Variants in LPCAT1 observed in about 807,000 individuals in gnomAD.
LPCAT1 encodes lysophosphatidylcholine acyltransferase 1.
In LPCAT1, 23 loss-of-function variants were observed where a neutral mutation model predicts 60.9. The observed-to-expected ratio is 0.38, with a 90% CI of 0.27 to 0.53. The LOEUF (loss-of-function observed/expected upper bound fraction) is 0.53. LPCAT1 is among the 20% of genes least tolerant of loss of function. The pLI is 0.82. For missense variants in LPCAT1, 622 were observed against 723.6 expected (o/e 0.86, Z 1.61); for synonymous variants, 340 against 301.1 (o/e 1.13, Z -1.34).
At chr5:1,489,974 C>G (rs1735514403) in intron 3 of LPCAT1, 116 bp from the exon 4 acceptor site, 4 of 755,852 alleles carry the variant, frequency 5.3e-6, no homozygotes, top group Non-Finnish European at 7.1e-6. Context: ...CCAGATGCCC[C>G]AGGGGCTGTG....
At chr5:1,512,200 C>T (rs77551385) in intron 1 of LPCAT1, among the ~76,000 whole-genome samples, 151 of 152,308 alleles carry the variant, frequency 9.9e-4, no homozygotes, top group Middle Eastern at 3.4e-3. Context: ...CGTGCGGCCC[C>T]GTGAGTCGCA....
intron 11 of LPCAT1, among the ~76,000 whole-genome samples, chr5:1,471,557 G>A (rs1037802492): frequency 2.6e-5 from 4 of 152,238 alleles, no homozygotes; most frequent in Admixed American, 2.6e-4. Flanking sequence ...AACCTCCCAG[G>A]TCAGGGCGGG....
At chr5:1,511,775 A>T (rs1736363684) in intron 1 of LPCAT1, among the ~76,000 whole-genome samples, 1 of 152,206 alleles carries the variant, frequency 6.6e-6, no homozygotes, top group Non-Finnish European at 1.5e-5. Flanking sequence ...CCAGGAACCG[A>T]GCCCCTCCAG....
In LPCAT1 at chr5:1,523,934, C is replaced by A; in HGVS notation, c.-90G>T. On this transcript the variant is annotated 5_prime_UTR_variant, in exon 1 of 14. Transcript: ENST00000283415. This position sits in a 1 kb window ranked among gnomAD's most constrained non-coding sequence, Gnocchi z 7.1. ...CTGGGCGCGGGTCTCGGGGCGCGGGCCGAGGATGCGCGGCGGCTGGAGCGG... is the reference window on the plus strand; with the variant it reads ...CTGGGCGCGGGTCTCGGGGCGCGGGACGAGGATGCGCGGCGGCTGGAGCGG... 1 of 902,362 alleles carries A rather than the reference C, an allele frequency of 1.1e-6. No individual in the cohort carries two copies. The highest frequency in any genetic ancestry group is 1.3e-6 in the Non-Finnish European group (1 of 752,576). 55.9% of individuals were successfully genotyped at this position (902,362 alleles called of 1,614,324 possible).
intron 3 of LPCAT1, among the ~76,000 whole-genome samples, chr5:1,493,117 G>C (rs1735653290): frequency 6.6e-6 from 1 of 152,238 alleles, no homozygotes. Context: ...CTGCAGTCCA[G>C]TCTCGCCTCC....
chr5:1,490,150 C>A lies in LPCAT1; in HGVS notation c.494-292G>T, dbSNP rs1446604983. ...GCACAGAACGGAGGTCAATGAAAGA[C>A]AACCGCCAGGAAGCAGAAAGTCTTT... On this transcript the variant is annotated intron_variant, in intron 3 of 13. Coordinates refer to ENST00000283415, the MANE Select transcript of LPCAT1 (RefSeq NM_024830.5). Among the ~76,000 whole-genome samples, 3 of 152,258 alleles carry A rather than the reference C, an allele frequency of 2.0e-5. No homozygotes were observed. The East Asian group carries it at 5.8e-4, about 29-fold the overall frequency.
In LPCAT1 at chr5:1,462,699, G is replaced by C. The variant is rs555560766; in HGVS notation, c.*952C>G. Reference sequence around the variant, plus strand: ...GACCTGGCCTGAGGGCAAGGGAGGAGCGGCACGGCGGCGGCTGCCTTGCGC... The same window carrying C: ...GACCTGGCCTGAGGGCAAGGGAGGACCGGCACGGCGGCGGCTGCCTTGCGC... On this transcript the variant is annotated 3_prime_UTR_variant, in exon 14 of 14. Transcript: ENST00000283415. 6.6e-6 allele frequency: 1 copy of C among 152,370 alleles called. No homozygotes were observed. Among genetic ancestry groups the C allele is most frequent in the South Asian group, 2.1e-4 (1 of 4,832 alleles). 9.4% of individuals were successfully genotyped at this position (152,370 alleles called of 1,614,324 possible). A position where few individuals can be genotyped will look rare whatever the true frequency, so the allele number is the denominator to read the frequency against.
rs1734918983 is a variant in LPCAT1 at position 1,476,393 on chromosome 5, G to T, written c.899+1011C>A. ...CACATGCTTTGGGAGGGAGAGGATG[G>T]GAACGTGAGGGAACGGGCCGCCCAG... On this transcript the variant is annotated intron_variant, in intron 9 of 13. Coordinates refer to ENST00000283415, the MANE Select transcript of LPCAT1 (RefSeq NM_024830.5). This position sits in a 1 kb window ranked among gnomAD's most constrained non-coding sequence, Gnocchi z 8.6. Among the ~76,000 whole-genome samples the T allele has an allele frequency of 6.6e-6, 1 of 152,082 alleles. No homozygotes were observed. Among genetic ancestry groups the T allele is most frequent in the Admixed American group, 6.5e-5 (1 of 15,280 alleles).
chr5:1,518,394 G>A (rs1486161100), intron 1 of LPCAT1, among the ~76,000 whole-genome samples: 6 of 152,316 alleles, frequency 3.9e-5, no homozygotes, highest in Admixed American at 3.3e-4. Flanking sequence ...AGGCTGGAGT[G>A]CAGTGGTGCG....
chr5:1,480,529 G>T lies in LPCAT1; in HGVS notation c.761+413C>A, dbSNP rs114282519. 1.7e-3 allele frequency: 347 copies of T among 208,224 alleles called. 1 individual carries two copies. Among genetic ancestry groups the T allele is most frequent in the Non-Finnish European group, 2.7e-3 (322 of 119,298 alleles). 12.9% of individuals were successfully genotyped at this position (208,224 alleles called of 1,614,324 possible). A position where few individuals can be genotyped will look rare whatever the true frequency, so the allele number is the denominator to read the frequency against. On this transcript the variant is annotated intron_variant, in intron 7 of 13. Coordinates refer to ENST00000283415, the MANE Select transcript of LPCAT1 (RefSeq NM_024830.5). This position sits in a 1 kb window ranked among gnomAD's most constrained non-coding sequence, Gnocchi z 6.4. ...ACTGACCTTCGGTGTCTCTGCTGGGGGGACAGGGACACTGACTCACAGCAG... is the reference window on the plus strand; with the variant it reads ...ACTGACCTTCGGTGTCTCTGCTGGGTGGACAGGGACACTGACTCACAGCAG...
In LPCAT1 at chr5:1,463,728, G is replaced by A. The variant is rs763574216; in HGVS notation, c.1528C>T (p.Pro510Ser). 2 of 1,614,260 alleles carry A rather than the reference G, an allele frequency of 1.2e-6. No individual in the cohort carries two copies. Among genetic ancestry groups the A allele is most frequent in the Non-Finnish European group, 1.7e-6 (2 of 1,180,052 alleles). Residue 510 changes from proline (P) to serine (S), a missense_variant, in exon 14 of 14, where the codon CCA becomes TCA. Pro to Ser is a moderately conservative substitution (Grantham distance 74, BLOSUM62 -1). Around this residue, in one of 3 missense-constraint regions of LPCAT1, gnomAD observed 288 missense variants for 283.6 expected, o/e 1.02. Coordinates refer to ENST00000283415, the MANE Select transcript of LPCAT1 (RefSeq NM_024830.5). ...SCAETSPAPI[P>S]NGFCADFSPE... ...CTGAAATCGGCACAGAAGCCGTTTG[G>A]GATTGGCGCAGGTGAGGTCTCTGCA...
intron 1 of LPCAT1, among the ~76,000 whole-genome samples, chr5:1,520,136 C>T (rs1736626915): frequency 6.6e-6 from 1 of 152,268 alleles, no homozygotes; most frequent in African/African-American, 2.4e-5. Flanking sequence ...GGGTCAAGAA[C>T]ACACTGCAAA....
At chr5:1,470,168 C>T (rs1734607506) in intron 12 of LPCAT1, among the ~76,000 whole-genome samples, 1 of 152,244 alleles carries the variant, frequency 6.6e-6, no homozygotes, top group South Asian at 2.1e-4. Context: ...AAAGTTGTGC[C>T]TCTGTACAGG....
Position 1,501,479 on chromosome 5 carries a change from G to A in LPCAT1, c.260C>T (p.Pro87Leu). 6.2e-7 allele frequency: 1 copy of A among 1,613,098 alleles called. No individual in the cohort carries two copies. Among genetic ancestry groups the A allele is most frequent in the Non-Finnish European group, 8.5e-7 (1 of 1,179,710 alleles). Residue 87 changes from proline to leucine, a missense_variant, in exon 2 of 14, where the codon CCC becomes CTC. Pro to Leu is a moderately conservative substitution (Grantham distance 98). Transcript: ENST00000283415. The stretch of plus-strand genomic sequence containing the variant: ...AACTTACTTCCTCCACAGGGCCGGG[G>A]GCTGCTCGGGTTCCTTCTCCGCAGA... ...LGSAEKEPEQ[P>L]PALWRKVVDF...
rs1443180709 is a variant in LPCAT1 at position 1,474,095 on chromosome 5, C to T, written c.1041G>A (p.Lys347=). ...AGTATCTGTCCAGATCTTTTTCAAG[C>T]TTTTCTGGTTTTAGCCTAGACAAAA... ...LVRGLGLKPE[K]LEKDLDRYSE... is the part of the protein sequence containing the mutation. Residue 347 remains lysine, a synonymous_variant, in exon 11 of 14, where the codon AAG becomes AAA. Transcript: ENST00000283415. 1 of 1,612,950 alleles carries T rather than the reference C, an allele frequency of 6.2e-7. No homozygotes were observed. Among genetic ancestry groups the T allele is most frequent in the Admixed American group, 1.7e-5 (1 of 59,850 alleles).
Position 1,523,321 on chromosome 5 carries a change from G to C in LPCAT1, c.135+389C>G, listed in dbSNP as rs1373139306. Among the ~76,000 whole-genome samples the C allele has an allele frequency of 6.6e-6, 1 of 151,920 alleles. No individual in the cohort carries two copies. Among genetic ancestry groups the C allele is most frequent in the South Asian group, 2.1e-4 (1 of 4,838 alleles). Reference sequence around the variant, plus strand: ...GGCCCGGACCAGGGACGAGCGCGGGGACCGGCGATGCGGGTCCAGCCTCCC... The same window carrying C: ...GGCCCGGACCAGGGACGAGCGCGGGCACCGGCGATGCGGGTCCAGCCTCCC... On this transcript the variant is annotated intron_variant, in intron 1 of 13. Coordinates refer to ENST00000283415, the MANE Select transcript of LPCAT1 (RefSeq NM_024830.5). This position sits in a 1 kb window ranked among gnomAD's most constrained non-coding sequence, Gnocchi z 7.1.
chr5:1,490,267 A>T (rs1007417486), intron 3 of LPCAT1, among the ~76,000 whole-genome samples: 1 of 152,172 alleles, frequency 6.6e-6, no homozygotes, highest in African/African-American at 2.4e-5. Context: ...CATCCCCTAA[A>T]AGACAAGCTG....
At chr5:1,512,694 T>C (rs1560993679) in intron 1 of LPCAT1, among the ~76,000 whole-genome samples, 1 of 152,258 alleles carries the variant, frequency 6.6e-6, no homozygotes, top group Non-Finnish European at 1.5e-5. Context: ...GGGGCTCTGC[T>C]GTCTGGACTA....
intron 1 of LPCAT1, among the ~76,000 whole-genome samples, chr5:1,507,788 A>G (rs1410018604): frequency 6.6e-6 from 1 of 152,244 alleles, no homozygotes; most frequent in East Asian, 1.9e-4. Flanking sequence ...CAGGAGCAGC[A>G]CAGCAGACCA....
Sources: gnomAD v4.1 joint callset for allele counts (sites outside exome capture counted in the v4.1 genomes callset) on GRCh38, gnomAD v4.1.1 for gene constraint, gnomAD v4.1.1 regional missense constraint, Gnocchi (gnomAD v3.1) non-coding constraint, MANE v1.5 for transcripts, NCBI Gene and HGNC (gene_info 2026-07-23, HGNC 2026-07-21) for gene names.